Variants in OAS3 observed in about 807,000 individuals in gnomAD.
OAS3 encodes 2'-5'-oligoadenylate synthetase 3, also known as 2'-5'-oligoadenylate synthase 3.
In OAS3, 107 loss-of-function variants were observed where a neutral mutation model predicts 113.0. That is an observed-to-expected ratio of 0.95 (90% CI 0.81 to 1.11). OAS3 has a LOEUF of 1.11. OAS3 is among the 50% of genes most tolerant of loss of function. The pLI is 0.00. For missense variants in OAS3, 1,258 were observed against 1,389.1 expected, an observed-to-expected ratio of 0.91 and a Z score of 1.50; for synonymous variants, 552 against 573.6, an observed-to-expected ratio of 0.96 and a Z score of 0.54.
rs573009785 is a variant in OAS3 at position 112,971,635 on chromosome 12, C to T, written c.*1662C>T. ...TTAGACAGCCTGACTCTCCACAAAC[C>T]ACTGTTAAAACTTACCTGCTAGGAA... On this transcript the variant is annotated 3_prime_UTR_variant, in exon 16 of 16. Coordinates refer to ENST00000228928, the MANE Select transcript of OAS3 (RefSeq NM_006187.4). The T allele has an allele frequency of 1.3e-5, 2 of 152,340 alleles. No individual in the cohort carries two copies. The highest frequency in any genetic ancestry group is 1.3e-4 in the Admixed American group (2 of 15,296). The allele number at this position is 152,340 out of a possible 1,614,324, so 9.4% of individuals were successfully genotyped here. A position where few individuals can be genotyped will look rare whatever the true frequency, so the allele number is the denominator to read the frequency against.
intron 1 of OAS3, among the ~76,000 whole-genome samples, chr12:112,940,182 A>G (rs2043667511): frequency 6.6e-6 from 1 of 152,154 alleles, no homozygotes; most frequent in Non-Finnish European, 1.5e-5. Flanking sequence ...GGAAGGTTCA[A>G]TGAGATGAGA....
rs763844220 is a variant in OAS3 at position 112,963,331 on chromosome 12, C to T, written c.2103C>T (p.Pro701=). Residue 701 remains proline, a synonymous_variant, in exon 10 of 16, where the codon CCC becomes CCT. Transcript: ENST00000228928. The surrounding 1 kb of genome is among the most constrained non-coding windows in gnomAD (Gnocchi z 4.6). ...CCCCCAGACCCCTGGTCCTGGACCC[C>T]GCTGATCCCACCTGGAACGTGGGCC... ...LRKPRPLVLD[P]ADPTWNVGHG... The T allele has an allele frequency of 4.8e-5, 75 of 1,576,482 alleles. No individual in the cohort carries two copies. In the Middle Eastern group the frequency reaches 1.2e-3, roughly 24 times the overall value.
chr12:112,950,734 T>C lies in OAS3; in HGVS notation c.1416T>C (p.Cys472=). ...GGGGCACAGACCTAAGGGATGGCTG[T>C]GATGTTGAACTCATCATCTTCCTCA... ...FGRGTDLRDG[C]DVELIIFLNC... The change falls in exon 7 of 16, where the codon TGT becomes TGC. Residue 472 remains cysteine, a synonymous_variant. Transcript: ENST00000228928. 2 of 1,614,008 alleles carry C rather than the reference T, an allele frequency of 1.2e-6. No homozygotes were observed. The highest frequency in any genetic ancestry group is 1.7e-6 in the Non-Finnish European group (2 of 1,179,880).
chr12:112,961,257 C>T lies in OAS3; in HGVS notation c.1833+11C>T, dbSNP rs746846609. ...CACTGGTACCGCCAGGTGAGTTGCC[C>T]CTGGCTCCTCCCAGGAAGCCACCAC... On this transcript the variant is annotated intron_variant, in intron 8 of 15. Transcript: ENST00000228928. The T allele has an allele frequency of 1.2e-6, 2 of 1,610,796 alleles. No homozygotes were observed. Among genetic ancestry groups the T allele is most frequent in the Non-Finnish European group, 1.7e-6 (2 of 1,177,790 alleles).
chr12:112,968,752 G>C lies in OAS3; in HGVS notation c.3104+578G>C, dbSNP rs944226561. Among the ~76,000 whole-genome samples, 5 of 56,658 alleles carry C rather than the reference G, an allele frequency of 8.8e-5. No homozygotes were observed. In the South Asian group the frequency reaches 2.2e-3, roughly 25 times the overall value. 37.2% of individuals were successfully genotyped at this position (56,658 alleles called of 152,430 possible). ...GCTGATCTCAAACTCCTGGCCTCAA[G>C]TGATCGCCTGCCTAGGCCTCCCAAA... On this transcript the variant is annotated intron_variant, in intron 14 of 15. Coordinates refer to ENST00000228928, the MANE Select transcript of OAS3 (RefSeq NM_006187.4).
intron 7 of OAS3, among the ~76,000 whole-genome samples, chr12:112,953,080 T>G (rs1312608735): frequency 6.6e-6 from 1 of 152,224 alleles, no homozygotes; most frequent in Non-Finnish European, 1.5e-5. Context: ...GTTGGTGTGC[T>G]GCACCCATTA....
rs1844075652 is a variant in OAS3, at chr12:112,942,229, A to G, written c.460+377A>G. 1.3e-5 allele frequency: 6 copies of G among 458,826 alleles called. No individual in the cohort carries two copies. The South Asian group carries it at 2.2e-4, about 17-fold the overall frequency. The allele number at this position is 458,826 out of a possible 1,614,324, so 28.4% of individuals were successfully genotyped here. ...AAACCAGAATTCTGCAAAATCTTGT[A>G]TTTTATGTTGAAAACATCAATGTGA... On this transcript the variant is annotated intron_variant, in intron 2 of 15. Coordinates refer to ENST00000228928, the MANE Select transcript of OAS3 (RefSeq NM_006187.4).
At chr12:112,964,211 G>A (rs750952853) in intron 10 of OAS3, 24 bp from the exon 11 acceptor site, 40 of 1,562,290 alleles carry the variant, frequency 2.6e-5, no homozygotes, top group Non-Finnish European at 3.5e-5. Flanking sequence ...TCTCAAGCTG[G>A]CCCCACCTGG....
At position 112,963,176 on chromosome 12, in the gene OAS3, C is replaced by T; in HGVS notation, c.2085-137C>T. The stretch of plus-strand genomic sequence containing the variant: ...CCAAGGCAGCCAATTGAGATCGCTT[C>T]TGCACTTGGGCAAGACTGAGCCAAC... On this transcript the variant is annotated intron_variant, in intron 9 of 15. Transcript: ENST00000228928. The surrounding 1 kb of genome is among the most constrained non-coding windows in gnomAD (Gnocchi z 4.6). The T allele has an allele frequency of 8.8e-7, 1 of 1,136,534 alleles. No homozygotes were observed. Among genetic ancestry groups the T allele is most frequent in the Non-Finnish European group, 1.2e-6 (1 of 823,738 alleles). 70.4% of individuals were successfully genotyped at this position (1,136,534 alleles called of 1,614,324 possible).
At position 112,954,080 on chromosome 12, in the gene OAS3, A is replaced by G. The variant is rs1164730367; in HGVS notation, c.1657+3105A>G. Among the ~76,000 whole-genome samples the G allele has an allele frequency of 6.6e-6, 1 of 152,138 alleles. No homozygotes were observed. The highest frequency in any genetic ancestry group is 1.5e-5 in the Non-Finnish European group (1 of 68,024). ...GTCCTTGCCCATGCCTATGTCCTGA[A>G]TGGTATTGCCTAGGTTTTCTTCTAG... On this transcript the variant is annotated intron_variant, in intron 7 of 15. Transcript: ENST00000228928. This position sits in a 1 kb window ranked among gnomAD's most constrained non-coding sequence, Gnocchi z 4.0.
intron 12 of OAS3, among the ~76,000 whole-genome samples, chr12:112,967,192 T>C (rs2043941507): frequency 6.6e-6 from 1 of 152,070 alleles, no homozygotes; most frequent in Non-Finnish European, 1.5e-5. Context: ...GGTAAGCAGA[T>C]GGTTTGAAAG....
rs369929424 is a variant in OAS3 at position 112,962,725 on chromosome 12, C to G, written c.1907C>G (p.Thr636Ser). The change falls in exon 9 of 16, where the codon ACC (threonine) becomes AGC (serine). Residue 636 changes from threonine (T) to serine (S), a missense_variant. By Grantham distance (58) the Thr-to-Ser change is moderately conservative. Transcript: ENST00000228928. ...CCAGCCTATGCCCTGGAGCTCCTCACCATCTTTGCCTGGGAGCAGGGCTGC... is the reference window on the plus strand; with the variant it reads ...CCAGCCTATGCCCTGGAGCTCCTCAGCATCTTTGCCTGGGAGCAGGGCTGC... ...LPPAYALELL[T>S]IFAWEQGCRQ... 2.4e-5 allele frequency: 39 copies of G among 1,613,886 alleles called. No individual in the cohort carries two copies. The African/African-American group carries it at 4.4e-4, about 18-fold the overall frequency.
chr12:112,962,785 G>T lies in OAS3; in HGVS notation c.1967G>T (p.Arg656Leu). 6.2e-7 allele frequency: 1 copy of T among 1,614,018 alleles called. No homozygotes were observed. The highest frequency in any genetic ancestry group is 1.3e-5 in the African/African-American group (1 of 75,042). The change falls in exon 9 of 16, where the codon CGG (arginine) becomes CTG (leucine). Residue 656 changes from arginine (R) to leucine (L), a missense_variant. By Grantham distance (102) the Arg-to-Leu change is moderately radical. Transcript: ENST00000228928. Reference protein sequence around the residue: ...QDCFNMAQGFRTVLGLVQQHQ... With the variant: ...QDCFNMAQGFLTVLGLVQQHQ... ...TGTTTCAACATGGCCCAAGGCTTCCGGACGGTGCTGGGGCTCGTGCAACAG... is the reference window on the plus strand; with the variant it reads ...TGTTTCAACATGGCCCAAGGCTTCCTGACGGTGCTGGGGCTCGTGCAACAG...
intron 12 of OAS3, 81 bp downstream of exon 12, chr12:112,966,110 C>T: frequency 7.2e-7 from 1 of 1,389,298 alleles, no homozygotes; most frequent in Non-Finnish European, 1.0e-6. Flanking sequence ...TTGCACAGTA[C>T]ACAACCAGGC....
At position 112,954,038 on chromosome 12, in the gene OAS3, G is replaced by C. The variant is rs2043813043; in HGVS notation, c.1657+3063G>C. On this transcript the variant is annotated intron_variant, in intron 7 of 15. Coordinates refer to ENST00000228928, the MANE Select transcript of OAS3 (RefSeq NM_006187.4). This position sits in a 1 kb window ranked among gnomAD's most constrained non-coding sequence, Gnocchi z 4.0. ...TTTGGCTTCTGTTGCCATTGCTTTT[G>C]GTGTTTTAGTCATGAAGTCCTTGCC... Among the ~76,000 whole-genome samples the C allele has an allele frequency of 6.6e-6, 1 of 152,076 alleles. No homozygotes were observed. The highest frequency in any genetic ancestry group is 1.5e-5 in the Non-Finnish European group (1 of 68,002).
At chr12:112,950,443 G>C in intron 6 of OAS3, 1 of 531,218 alleles carries the variant, frequency 1.9e-6, no homozygotes, top group Admixed American at 3.4e-5. Context: ...ATTATCTGTT[G>C]CTGCAGTTTG....
intron 7 of OAS3, among the ~76,000 whole-genome samples, chr12:112,955,511 T>C (rs2043825286): frequency 1.3e-5 from 2 of 152,224 alleles, no homozygotes; most frequent in South Asian, 4.1e-4. Context: ...CCTAGTTTAT[T>C]GAGAGTTTTT....
In OAS3 at chr12:112,948,996, C is replaced by T. The variant is rs546772919; in HGVS notation, c.1165C>T (p.Pro389Ser). The change falls in exon 6 of 16, where the codon CCT becomes TCT. Residue 389 changes from proline to serine, a missense_variant. Physicochemically the swap from Pro to Ser is moderately conservative, Grantham distance 74 (BLOSUM62 -1). Coordinates refer to ENST00000228928, the MANE Select transcript of OAS3 (RefSeq NM_006187.4). ...AGSKPPSCPAPGPTGAASIVP... is the reference protein window; with the variant it reads ...AGSKPPSCPASGPTGAASIVP... Reference sequence around the variant, plus strand: ...GAGCAAACCTCCCTCATGCCCAGCTCCTGGCCCCACTGGGGCAGCCAGCAT... The same window carrying T: ...GAGCAAACCTCCCTCATGCCCAGCTTCTGGCCCCACTGGGGCAGCCAGCAT... 2.5e-6 allele frequency: 4 copies of T among 1,613,910 alleles called. No homozygotes were observed. Among genetic ancestry groups the T allele is most frequent in the Non-Finnish European group, 3.4e-6 (4 of 1,179,904 alleles).
rs188530677 is a variant in OAS3 at position 112,958,795 on chromosome 12, G to A, written c.1658-2276G>A. Among the ~76,000 whole-genome samples the A allele has an allele frequency of 1.3e-3, 205 of 152,372 alleles. 1 individual carries two copies. The East Asian group carries it at 0.016, about 12-fold the overall frequency. ...CCAGTTAGGCTACTCGGGGGTCAGG[G>A]ACCCACTTGAGGAGGCAGTCTGTCC... On this transcript the variant is annotated intron_variant, in intron 7 of 15. Transcript: ENST00000228928.
Sources: gnomAD v4.1 joint callset for allele counts (sites outside exome capture counted in the v4.1 genomes callset) on GRCh38, gnomAD v4.1.1 for gene constraint, Gnocchi (gnomAD v3.1) non-coding constraint, MANE v1.5 for transcripts, NCBI Gene and HGNC (gene_info 2026-07-23, HGNC 2026-07-21) for gene names.